The following PITPNM2 variants were observed in gnomAD, a reference collection of about 807,000 sequenced individuals.
PITPNM2 encodes the protein membrane-associated phosphatidylinositol transfer protein 2.
PITPNM2 carries 35 observed loss-of-function variants against 132.2 expected under a neutral mutation model. The ratio of observed to expected loss-of-function variants is 0.26; its 90% CI spans 0.20 to 0.35. PITPNM2 has a LOEUF of 0.35. Ranked by LOEUF, PITPNM2 falls within the 10% of genes least tolerant of loss-of-function variation. The probability of loss-of-function intolerance (pLI) is 1.00; values close to 1 mark genes in which losing one functional copy is unlikely to be tolerated. For missense variants in PITPNM2, 1,332 were observed against 1,912.0 expected (o/e 0.70, Z 5.66); for synonymous variants, 738 against 799.2 (o/e 0.92, Z 1.29).
chr12:123,001,036 AC>A lies in PITPNM2; in HGVS notation c.1153+17del, dbSNP rs1408790683. The A allele has an allele frequency of 1.2e-6, 2 of 1,608,966 alleles. No individual in the cohort carries two copies. Among genetic ancestry groups the A allele is most frequent in the African/African-American group, 1.3e-5 (1 of 74,890 alleles). ...AACCGCCCTCCCCAGGCTCTGCAGC[AC>A]CCCCAGACCTGCTGACCTTGTGTGT... On this transcript the variant is annotated intron_variant, in intron 9 of 25. Coordinates refer to ENST00000320201, the MANE Select transcript of PITPNM2 (RefSeq NM_020845.3).
chr12:122,995,830 A>G (rs981728157), intron 13 of PITPNM2, among the ~76,000 whole-genome samples, 170 bp from the exon 14 acceptor site: 1 of 151,990 alleles, frequency 6.6e-6, no homozygotes, highest in Admixed American at 6.5e-5. Context: ...CCTCCCACCC[A>G]CCAGCCACCC....
chr12:123,132,684 T>G (rs959417947), intron 1 of PITPNM2, among the ~76,000 whole-genome samples: 1 of 151,046 alleles, frequency 6.6e-6, no homozygotes, highest in Non-Finnish European at 1.5e-5. Flanking sequence ...CCATCTCCCC[T>G]CCCCAACCCC....
intron 1 of PITPNM2, among the ~76,000 whole-genome samples, chr12:123,148,349 C>T (rs2043660277): frequency 6.6e-6 from 1 of 152,158 alleles, no homozygotes; most frequent in South Asian, 2.1e-4. Context: ...GCTCCTCCTG[C>T]CCATGGCCAA....
At chr12:123,054,857 A>G (rs2040971014) in intron 2 of PITPNM2, among the ~76,000 whole-genome samples, 1 of 152,210 alleles carries the variant, frequency 6.6e-6, no homozygotes, top group South Asian at 2.1e-4. Context: ...TGAGGTCAGG[A>G]GTTTAAGATC....
At chr12:123,068,012 C>T (rs551905651) in intron 2 of PITPNM2, among the ~76,000 whole-genome samples, 21 of 152,340 alleles carry the variant, frequency 1.4e-4, no homozygotes, top group Non-Finnish European at 2.6e-4. Context: ...AACCCGTCTG[C>T]ATCCAGGCTC....
rs1229966522 is a variant in PITPNM2 at position 123,023,334 on chromosome 12, C to T, written c.79-9292G>A. 6.6e-6 allele frequency among the ~76,000 whole-genome samples: 1 copy of T among 152,144 alleles called. No individual in the cohort carries two copies. Among genetic ancestry groups the T allele is most frequent in the East Asian group, 1.9e-4 (1 of 5,190 alleles). ...GTGTGTGTGCATGCAGGAGCCAAGGCCCATGGATTCAGGGCTCTTCTGGGT... is the reference window on the plus strand; with the variant it reads ...GTGTGTGTGCATGCAGGAGCCAAGGTCCATGGATTCAGGGCTCTTCTGGGT... On this transcript the variant is annotated intron_variant, in intron 3 of 25. Transcript: ENST00000320201. This position sits in a 1 kb window ranked among gnomAD's most constrained non-coding sequence, Gnocchi z 4.8.
chr12:123,101,631 C>A (rs996176018), intron 2 of PITPNM2, among the ~76,000 whole-genome samples: 1 of 152,154 alleles, frequency 6.6e-6, no homozygotes, highest in Non-Finnish European at 1.5e-5. Context: ...AGTAAATGTT[C>A]GTCATGTGTT....
intron 2 of PITPNM2, among the ~76,000 whole-genome samples, chr12:123,109,187 C>T (rs759484440): frequency 5.9e-5 from 9 of 152,338 alleles, no homozygotes; most frequent in African/African-American, 1.2e-4. Flanking sequence ...ATCCATCCTC[C>T]GTGCCTCCAA....
rs2042391230 is a variant in PITPNM2 at position 123,095,692 on chromosome 12, C to T, written c.-96+14693G>A. Among the ~76,000 whole-genome samples the T allele has an allele frequency of 6.6e-6, 1 of 152,204 alleles. No individual in the cohort carries two copies. Among genetic ancestry groups the T allele is most frequent in the Non-Finnish European group, 1.5e-5 (1 of 68,022 alleles). On this transcript the variant is annotated intron_variant, in intron 2 of 25. Coordinates refer to ENST00000320201, the MANE Select transcript of PITPNM2 (RefSeq NM_020845.3). The surrounding 1 kb of genome is among the most constrained non-coding windows in gnomAD (Gnocchi z 5.0). ...ACCTGGTCCTCCCTGCAGCTCAGCC[C>T]CAGCCAGACTCTCACAGACAGGAGC... is the stretch of plus-strand genomic sequence containing the variant.
rs1397577452 is a variant in PITPNM2 at position 123,040,327 on chromosome 12, G to C, written c.-95-5642C>G. On this transcript the variant is annotated intron_variant, in intron 2 of 25. Transcript: ENST00000320201. ...GTAGTGGTGATGGTTGCTCAACATT[G>C]TGAATATACTTACTGTGATGAAATA... 2.0e-5 allele frequency among the ~76,000 whole-genome samples: 3 copies of C among 152,076 alleles called. No individual in the cohort carries two copies. In the East Asian group the frequency reaches 5.8e-4, roughly 29 times the overall value.
chr12:122,994,761 A>C lies in PITPNM2; in HGVS notation c.2233+40T>G, dbSNP rs1380511500. ...CACTGAGACCCCCGCCCCCGCACCC[A>C]GTGCATGTACCCCCCATCCTGCCCC... On this transcript the variant is annotated intron_variant, in intron 15 of 25. Coordinates refer to ENST00000320201, the MANE Select transcript of PITPNM2 (RefSeq NM_020845.3). The surrounding 1 kb of genome is among the most constrained non-coding windows in gnomAD (Gnocchi z 5.4). The C allele has an allele frequency of 2.4e-5, 37 of 1,528,970 alleles. No homozygotes were observed. The highest frequency in any genetic ancestry group is 2.8e-5 in the African/African-American group (2 of 72,616). The allele number at this position is 1,528,970 out of a possible 1,614,324, so 94.7% of individuals were successfully genotyped here.
chr12:122,996,591 G>A lies in PITPNM2; in HGVS notation c.1663-14C>T. On this transcript the variant is annotated splice_polypyrimidine_tract_variant and intron_variant, in intron 12 of 25. Transcript: ENST00000320201. ...AATCAGGCAGACCTTGGGAGAGAGG[G>A]GCCAGAGGCCTGAGCCATTCACCCG... The A allele has an allele frequency of 1.2e-6, 2 of 1,613,022 alleles. No homozygotes were observed. The highest frequency in any genetic ancestry group is 1.7e-6 in the Non-Finnish European group (2 of 1,179,964).
chr12:123,011,159 C>T (rs756288344), intron 5 of PITPNM2, among the ~76,000 whole-genome samples: 25 of 152,244 alleles, frequency 1.6e-4, no homozygotes, highest in Admixed American at 7.8e-4. Flanking sequence ...GGGTTTGTGG[C>T]TCACAGAACC....
chr12:123,057,911 T>C (rs1265379855), intron 2 of PITPNM2, among the ~76,000 whole-genome samples: 1 of 152,172 alleles, frequency 6.6e-6, no homozygotes, highest in African/African-American at 2.4e-5. Context: ...AGAGGGGAAC[T>C]GGAACCCTTT....
chr12:123,035,674 A>T (rs1231225693), intron 2 of PITPNM2, among the ~76,000 whole-genome samples: 1 of 151,970 alleles, frequency 6.6e-6, no homozygotes, highest in Admixed American at 6.6e-5. Context: ...CTCAAAAAAA[A>T]AAACAAAAAC....
intron 2 of PITPNM2, among the ~76,000 whole-genome samples, chr12:123,069,779 A>G (rs2041568116): frequency 6.6e-6 from 1 of 152,208 alleles, no homozygotes; most frequent in Non-Finnish European, 1.5e-5. Flanking sequence ...TAATAAAGGT[A>G]GGTACCCAGC....
intron 2 of PITPNM2, among the ~76,000 whole-genome samples, chr12:123,076,839 C>T (rs2041805217): frequency 6.6e-6 from 1 of 152,180 alleles, no homozygotes; most frequent in Admixed American, 6.5e-5. Flanking sequence ...GAACTGGGTG[C>T]TAAATCCGGT....
chr12:123,107,234 C>T (rs117860345), intron 2 of PITPNM2, among the ~76,000 whole-genome samples: 2,009 of 152,306 alleles, frequency 0.013, 26 homozygotes, highest in Non-Finnish European at 0.022. Context: ...CGGAAGGAAG[C>T]CACTGCCTGG....
At chr12:123,073,040 T>TA (rs2041662382) in intron 2 of PITPNM2, among the ~76,000 whole-genome samples, 1 of 152,182 alleles carries the variant, frequency 6.6e-6, no homozygotes, top group Non-Finnish European at 1.5e-5. Flanking sequence ...CAGAGCTCCC[T>TA]ATCCCCTTCA....
Sources: gnomAD v4.1 joint callset for allele counts (sites outside exome capture counted in the v4.1 genomes callset) on GRCh38, gnomAD v4.1.1 for gene constraint, Gnocchi (gnomAD v3.1) non-coding constraint, MANE v1.5 for transcripts, NCBI Gene and HGNC (gene_info 2026-07-23, HGNC 2026-07-21) for gene names.